The following CDCP1 variants were observed in gnomAD, a reference collection of about 807,000 sequenced individuals.
The protein encoded by CDCP1 is CUB domain-containing protein 1.
CDCP1 carries 29 observed loss-of-function variants against 60.2 expected under a neutral mutation model. That is an observed-to-expected ratio of 0.48 (90% CI 0.36 to 0.66). The LOEUF is 0.66. CDCP1 is among the 30% of genes least tolerant of loss of function. CDCP1 has a pLI of 0.00. For missense variants in CDCP1, 876 were observed against 1,074.3 expected (o/e 0.82, Z 2.58); for synonymous variants, 387 against 431.1 (o/e 0.90, Z 1.27).
intron 8 of CDCP1, among the ~76,000 whole-genome samples, chr3:45,086,294 A>G (rs17077237): frequency 0.25 from 38,005 of 152,186 alleles, 6,344 homozygotes; most frequent in East Asian, 0.74. Context: ...GATCACAGGT[A>G]GTAGAAGAGT....
At position 45,112,190 on chromosome 3, in the gene CDCP1, A is replaced by G; in HGVS notation, c.548T>C (p.Val183Ala). 2 of 1,614,166 alleles carry G rather than the reference A, an allele frequency of 1.2e-6. No individual in the cohort carries two copies. The highest frequency in any genetic ancestry group is 1.7e-6 in the Non-Finnish European group (2 of 1,180,018). ...RIGTFCSNGT[V>A]SRIKMQEGVK... ...TCCTTCTTGCATCTTGATCCGGGAC[A>G]CAGTGCCATTGCTGCAGAAGGTTCC... Residue 183 changes from valine (V) to alanine (A), a missense_variant, in exon 3 of 9, where the codon GTG becomes GCG. Val to Ala is a moderately conservative substitution (Grantham distance 64). Transcript: ENST00000296129.
chr3:45,096,623 CA>C (rs5848726), intron 4 of CDCP1, among the ~76,000 whole-genome samples: 11,274 of 52,448 alleles, frequency 0.21, 163 homozygotes, highest in African/African-American at 0.29. Flanking sequence ...GACTCCGTCT[CA>C]AAAAAAAAAA....
At chr3:45,142,134 G>C (rs913659968) in intron 1 of CDCP1, among the ~76,000 whole-genome samples, 3 of 152,006 alleles carry the variant, frequency 2.0e-5, no homozygotes, top group Non-Finnish European at 4.4e-5. Flanking sequence ...CGCCTGGCTC[G>C]GTATAAACTT....
intron 8 of CDCP1, among the ~76,000 whole-genome samples, chr3:45,086,622 A>T (rs1419608378): frequency 6.6e-6 from 1 of 152,244 alleles, no homozygotes; most frequent in Non-Finnish European, 1.5e-5. Flanking sequence ...TGGGGAGAGG[A>T]TAACTCAGCA....
chr3:45,115,867 C>T (rs1475037316), intron 2 of CDCP1, among the ~76,000 whole-genome samples: 1 of 149,130 alleles, frequency 6.7e-6, no homozygotes, highest in Non-Finnish European at 1.5e-5. Flanking sequence ...CCACGCCTGG[C>T]TAATTGTTTG....
chr3:45,110,766 A>C lies in CDCP1; in HGVS notation c.731T>G (p.Phe244Cys). The change falls in exon 4 of 9, where the codon TTC becomes TGC. Residue 244 changes from phenylalanine to cysteine, a missense_variant. Physicochemically the swap from Phe to Cys is radical, Grantham distance 205. This residue lies in a region of CDCP1 where 726 missense variants were observed against 935.7 expected (regional missense o/e 0.78). Coordinates refer to ENST00000296129, the MANE Select transcript of CDCP1 (RefSeq NM_022842.5). ...CCACGTCATGAGCTCATCCTCAGGG[A>C]AGCCTTCTGGGTAGTTGGCAGACAT... is the stretch of plus-strand genomic sequence containing the variant. ...TLMSANYPEG[F>C]PEDELMTWQF... 6.2e-7 allele frequency: 1 copy of C among 1,614,164 alleles called. No individual in the cohort carries two copies.
intron 2 of CDCP1, among the ~76,000 whole-genome samples, chr3:45,114,838 C>T (rs1698758306): frequency 6.6e-6 from 1 of 152,174 alleles, no homozygotes; most frequent in Admixed American, 6.5e-5. Context: ...ACCACTGGAC[C>T]TGATTCAGTG....
At chr3:45,099,862 A>T (rs928034516) in intron 4 of CDCP1, among the ~76,000 whole-genome samples, 2 of 152,006 alleles carry the variant, frequency 1.3e-5, no homozygotes, top group Non-Finnish European at 2.9e-5. Context: ...TTTTACATAA[A>T]CGCAGCATCT....
At chr3:45,112,560 CT>C in intron 2 of CDCP1, 115 bp from the exon 3 acceptor site, 1 of 1,451,338 alleles carries the variant, frequency 6.9e-7, no homozygotes, top group Non-Finnish European at 9.3e-7. Flanking sequence ...CCAAGGTGGC[CT>C]TTACCAGGCA....
chr3:45,112,097 C>T lies in CDCP1; in HGVS notation c.641G>A (p.Arg214His), dbSNP rs759853394. Residue 214 changes from arginine to histidine, a missense_variant, in exon 3 of 9, where the codon CGC (arginine) becomes CAC (histidine). Transcript: ENST00000296129. ...RNVSGFSIAN[R>H]SSIKRLCIIE... Reference sequence around the variant, plus strand: ...GGCTTTCTCACGTTTTATAGATGAGCGGTTTGCAATGCTGAAGCCGGAGAC... The same window carrying T: ...GGCTTTCTCACGTTTTATAGATGAGTGGTTTGCAATGCTGAAGCCGGAGAC... 3.4e-5 allele frequency: 55 copies of T among 1,613,246 alleles called. 1 individual carries two copies. The highest frequency in any genetic ancestry group is 4.1e-5 in the Non-Finnish European group (48 of 1,179,540).
At chr3:45,113,117 G>A (rs995593811) in intron 2 of CDCP1, among the ~76,000 whole-genome samples, 3 of 152,160 alleles carry the variant, frequency 2.0e-5, no homozygotes, top group South Asian at 2.1e-4. Flanking sequence ...AGAGAGTCAC[G>A]ATTTCACAAT....
intron 1 of CDCP1, among the ~76,000 whole-genome samples, chr3:45,143,111 G>A (rs148933092): frequency 0.014 from 2,199 of 152,274 alleles, 29 homozygotes; most frequent in Non-Finnish European, 0.021. Flanking sequence ...GGCTGAGGTA[G>A]GAGAATAGCT....
intron 4 of CDCP1, 187 bp downstream of exon 4, chr3:45,110,286 G>C (rs549817681): frequency 1.4e-6 from 2 of 1,429,572 alleles, no homozygotes; most frequent in Non-Finnish European, 1.8e-6. Flanking sequence ...ACTACATACC[G>C]GGTGTTCACC....
intron 1 of CDCP1, among the ~76,000 whole-genome samples, chr3:45,124,727 G>A (rs773690843): frequency 5.9e-5 from 9 of 152,110 alleles, no homozygotes; most frequent in Non-Finnish European, 1.2e-4. Flanking sequence ...CAGATAAGTC[G>A]TGATATGCTT....
At chr3:45,146,101 C>G (rs1699382424) in intron 1 of CDCP1, 105 bp downstream of exon 1, 1 of 1,068,510 alleles carries the variant, frequency 9.4e-7, no homozygotes, top group African/African-American at 1.7e-5. Flanking sequence ...TCCGCACCCT[C>G]CGCACCCTCC....
At chr3:45,131,082 A>G (rs945932988) in intron 1 of CDCP1, among the ~76,000 whole-genome samples, 2 of 151,932 alleles carry the variant, frequency 1.3e-5, no homozygotes, top group Non-Finnish European at 2.9e-5. Flanking sequence ...TATGTTGCCC[A>G]GGTTGGTTTT....
chr3:45,137,002 T>C (rs1180425281), intron 1 of CDCP1, among the ~76,000 whole-genome samples: 3 of 152,218 alleles, frequency 2.0e-5, no homozygotes, highest in Non-Finnish European at 2.9e-5. Flanking sequence ...GGTATGTACA[T>C]TATATCTCAG....
intron 8 of CDCP1, among the ~76,000 whole-genome samples, 173 bp from the exon 9 acceptor site, chr3:45,086,240 A>G (rs141763267): frequency 6.6e-6 from 1 of 152,348 alleles, no homozygotes; most frequent in African/African-American, 2.4e-5. Context: ...GTGAACATTT[A>G]GAAGGGACCT....
At chr3:45,103,439 G>A (rs968794439) in intron 4 of CDCP1, among the ~76,000 whole-genome samples, 1 of 152,154 alleles carries the variant, frequency 6.6e-6, no homozygotes, top group African/African-American at 2.4e-5. Context: ...AGACTGCTAT[G>A]AATATCCTTG....
Sources: allele counts gnomAD v4.1 joint callset (sites outside exome capture counted in the v4.1 genomes callset), GRCh38; gene constraint gnomAD v4.1.1; regional missense constraint gnomAD v4.1.1; transcripts MANE v1.5; gene names NCBI Gene and HGNC (gene_info 2026-07-23, HGNC 2026-07-21).